The following DMD variants were observed in gnomAD, a reference collection of about 807,000 sequenced individuals.
DMD encodes dystrophin, also known as mutant dystrophin.
A neutral mutation model predicts 330.1 loss-of-function variants in DMD; 63 were observed. That is an observed-to-expected ratio of 0.19 (90% CI 0.16 to 0.24). The LOEUF (loss-of-function observed/expected upper bound fraction) is 0.24, where lower values mean the gene tolerates loss of function less well. Among genes scored for constraint, DMD ranks in the 10% least tolerant of loss-of-function variants. The pLI is 1.00. For missense variants in DMD, 3,344 were observed against 2,684.1 expected (o/e 1.25, Z -5.43); for synonymous variants, 1,223 against 959.8 (o/e 1.27, Z -5.07).
At chrX:33,107,298 G>A (rs5928174) in intron 1 of DMD, among the ~76,000 whole-genome samples, 30,076 of 74,370 alleles carry the variant, frequency 0.4, 6,413 homozygotes, top group Non-Finnish European at 0.51. Flanking sequence ...GGCAACAAGA[G>A]CGAAGCTCTG....
chrX:33,288,031 T>C (rs2053459427), intron 1 of DMD, among the ~76,000 whole-genome samples: 2 of 111,774 alleles, frequency 1.8e-5, no homozygotes, highest in African/African-American at 6.5e-5. Context: ...TCCAGCCTTC[T>C]GGAAAGCTGG....
chrX:32,822,486 ATAT>A (rs1360970644), intron 5 of DMD, among the ~76,000 whole-genome samples: 7 of 110,548 alleles, frequency 6.3e-5, no homozygotes, highest in Admixed American at 1.9e-4. Flanking sequence ...TTATGTATAC[ATAT>A]TATGATTATA....
In DMD at chrX:31,819,996, C is replaced by G. The variant is rs200078222; in HGVS notation, c.7288G>C (p.Gly2430Arg). 2 of 1,209,155 alleles carry G rather than the reference C, an allele frequency of 1.7e-6. No homozygotes were observed. Among genetic ancestry groups the G allele is most frequent in the Non-Finnish European group, 2.2e-6 (2 of 894,254 alleles). ...TTACAGGCTCCAATAGTGGTCAGTC[C>G]AGGAGCTAGGTCAGGCTGCTTTGCC... ...LRAKQPDLAP[G>R]LTTIGASPTQ... The change falls in exon 50 of 79, where the codon GGA (glycine) becomes CGA (arginine). Residue 2430 changes from glycine to arginine, a missense_variant. Gly to Arg is a moderately radical substitution (Grantham distance 125, BLOSUM62 -2). Transcript: ENST00000357033.
intron 62 of DMD, among the ~76,000 whole-genome samples, chrX:31,313,838 T>C: frequency 9.2e-6 from 1 of 109,052 alleles, no homozygotes; most frequent in Middle Eastern, 4.7e-3. Context: ...AACTTTTATT[T>C]ATTTATTTAT....
At position 32,485,001 on chromosome X, in the gene DMD, C is replaced by A. The variant is rs2148583396; in HGVS notation, c.2721G>T (p.Leu907=). 8.3e-7 allele frequency: 1 copy of A among 1,211,457 alleles called. No individual in the cohort carries two copies. Among genetic ancestry groups the A allele is most frequent in the South Asian group, 1.8e-5 (1 of 57,001 alleles). Residue 907 remains leucine, a synonymous_variant, in exon 21 of 79, where the codon CTG becomes CTT. Transcript: ENST00000357033. ...LKEKGQGPMF[L]DADFVAFTNH... is the part of the protein sequence containing the mutation. Reference sequence around the variant, plus strand: ...TTGTAAAGGCCACAAAGTCTGCATCCAGGAACATGGGTCCTTGTCCTTTCT... The same window carrying A: ...TTGTAAAGGCCACAAAGTCTGCATCAAGGAACATGGGTCCTTGTCCTTTCT...
intron 44 of DMD, among the ~76,000 whole-genome samples, chrX:32,082,389 CGGCT>C (rs1183278069): frequency 2.5e-5 from 2 of 80,297 alleles, no homozygotes; most frequent in Admixed American, 1.4e-4. Context: ...CTACCTCGCC[CGGCT>C]ATCTATCTAT....
intron 2 of DMD, among the ~76,000 whole-genome samples, chrX:32,976,923 T>A (rs1032438347): frequency 9.0e-6 from 1 of 111,497 alleles, no homozygotes; most frequent in Non-Finnish European, 1.9e-5. Flanking sequence ...TTACAAAATA[T>A]GTCTTACAAA....
chrX:31,180,683 T>C (rs756768010), intron 68 of DMD, among the ~76,000 whole-genome samples: 105 of 111,801 alleles, frequency 9.4e-4, no homozygotes, highest in Non-Finnish European at 1.6e-3. Flanking sequence ...GGCAGAAAGA[T>C]TATCCTATAA....
At chrX:31,505,678 G>C (rs1662839078) in intron 56 of DMD, among the ~76,000 whole-genome samples, 1 of 110,296 alleles carries the variant, frequency 9.1e-6, no homozygotes, top group Admixed American at 9.6e-5. Flanking sequence ...CTGTCCCCTA[G>C]GCTGGAGTGA....
In DMD at chrX:32,454,816, T is replaced by A; in HGVS notation, c.3449A>T (p.Glu1150Val). ...HMCQQVYARK[E>V]ALKGGLEKTV... The stretch of plus-strand genomic sequence containing the variant: ...TTTCTCCAAACCTCCCTTCAAGGCC[T>A]CCTTTCTGGCATAGACCTTCCACAA... Residue 1150 changes from glutamate to valine, a missense_variant, in exon 26 of 79, where the codon GAG becomes GTG. Transcript: ENST00000357033. 1 of 1,207,510 alleles carries A rather than the reference T, an allele frequency of 8.3e-7. No homozygotes were observed. The highest frequency in any genetic ancestry group is 1.1e-6 in the Non-Finnish European group (1 of 893,186).
intron 44 of DMD, among the ~76,000 whole-genome samples, chrX:32,154,236 A>G (rs1309377959): frequency 1.8e-5 from 2 of 112,454 alleles, no homozygotes; most frequent in Non-Finnish European, 3.8e-5. Flanking sequence ...AAGTGTACAA[A>G]GGTAAAATTT....
intron 19 of DMD, among the ~76,000 whole-genome samples, chrX:32,493,936 G>T (rs1486396857): frequency 1.8e-5 from 2 of 111,624 alleles, no homozygotes; most frequent in Admixed American, 1.9e-4. Context: ...GGGACCGATA[G>T]ACTGATGCTG....
chrX:32,733,615 A>G (rs779297885), intron 7 of DMD, among the ~76,000 whole-genome samples: 2 of 111,624 alleles, frequency 1.8e-5, no homozygotes, highest in South Asian at 7.4e-4. Flanking sequence ...AATCTCACTC[A>G]AAACCGCTCA....
chrX:32,696,003 G>A (rs1017478199), intron 9 of DMD, among the ~76,000 whole-genome samples: 1 of 112,145 alleles, frequency 8.9e-6, no homozygotes, highest in Non-Finnish European at 1.9e-5. Context: ...ATACTTATTT[G>A]TTGAATAAAT....
chrX:31,599,237 T>C (rs1011778319), intron 55 of DMD, among the ~76,000 whole-genome samples: 1 of 112,303 alleles, frequency 8.9e-6, no homozygotes, highest in Non-Finnish European at 1.9e-5. Context: ...CCTTGAATTC[T>C]CCTTAATCTG....
intron 7 of DMD, among the ~76,000 whole-genome samples, chrX:32,777,344 T>G (rs1423127828): frequency 1.0e-5 from 1 of 100,339 alleles, no homozygotes; most frequent in Non-Finnish European, 2.0e-5. Context: ...AGGATAGTAC[T>G]TAATGTGTTG....
chrX:31,933,020 G>A lies in DMD; in HGVS notation c.6615-793C>T, dbSNP rs756227010. On this transcript the variant is annotated intron_variant, in intron 45 of 78. Coordinates refer to ENST00000357033, the MANE Select transcript of DMD (RefSeq NM_004006.3). ...ACAACCAAATATGTTTCAAGGCACTGCCAAATATGCTGGGGGGTTGGGGGT... is the reference window on the plus strand; with the variant it reads ...ACAACCAAATATGTTTCAAGGCACTACCAAATATGCTGGGGGGTTGGGGGT... Among the ~76,000 whole-genome samples, 15 of 111,360 alleles carry A rather than the reference G, an allele frequency of 1.3e-4. 1 individual carries two copies. The South Asian group carries it at 5.7e-3, about 43-fold the overall frequency.
At chrX:32,260,891 C>A (rs774074602) in intron 43 of DMD, among the ~76,000 whole-genome samples, 2 of 92,999 alleles carry the variant, frequency 2.2e-5, no homozygotes, top group Non-Finnish European at 5.0e-5. Flanking sequence ...AAAATAAGTA[C>A]ATTTTGCTGT....
intron 60 of DMD, among the ~76,000 whole-genome samples, chrX:31,425,712 G>GCACACGCACA (rs1569540972): frequency 1.7e-4 from 17 of 98,740 alleles, no homozygotes; most frequent in Non-Finnish European, 9.5e-5. Flanking sequence ...ACACACACAC[G>GCACACGCACA]CACACAATAC....
Sources: allele counts gnomAD v4.1 joint callset (sites outside exome capture counted in the v4.1 genomes callset), GRCh38; gene constraint gnomAD v4.1.1; transcripts MANE v1.5; gene names NCBI Gene and HGNC (gene_info 2026-07-23, HGNC 2026-07-21).